Variants in SLC7A14 observed in about 807,000 individuals in gnomAD.
SLC7A14 encodes gamma-aminobutyric acid transporter SLC7A14.
In SLC7A14, 37 loss-of-function variants were observed where a neutral mutation model predicts 60.2. That is an observed-to-expected ratio of 0.61 (90% CI 0.47 to 0.81). The LOEUF (loss-of-function observed/expected upper bound fraction) is 0.81. Among genes scored for constraint, SLC7A14 ranks in the 30% least tolerant of loss-of-function variants. SLC7A14 has a pLI of 0.00. For synonymous variants in SLC7A14, 399 were observed against 395.8 expected (o/e 1.01, Z -0.10); for missense variants, 886 against 982.7 (o/e 0.90, Z 1.32).
chr3:170,507,333 A>G (rs1258649477), intron 2 of SLC7A14, among the ~76,000 whole-genome samples: 1 of 152,228 alleles, frequency 6.6e-6, no homozygotes, highest in Non-Finnish European at 1.5e-5. Context: ...TATTTCAATC[A>G]GGAAAGAGTT....
chr3:170,513,636 G>T (rs1433780937), intron 2 of SLC7A14, among the ~76,000 whole-genome samples: 1 of 152,224 alleles, frequency 6.6e-6, no homozygotes. Context: ...TATGTTGCAT[G>T]TTAGCAAATA....
chr3:170,474,993 C>T (rs1226811542), intron 7 of SLC7A14, among the ~76,000 whole-genome samples: 1 of 152,238 alleles, frequency 6.6e-6, no homozygotes, highest in Non-Finnish European at 1.5e-5. Flanking sequence ...CACTGAGCCC[C>T]TGCTAGTTCC....
Position 170,498,800 on chromosome 3 carries a change from T to C in SLC7A14, c.626A>G (p.Asn209Ser), listed in dbSNP as rs765054383. The C allele has an allele frequency of 1.2e-5, 20 of 1,614,166 alleles. No homozygotes were observed. The highest frequency in any genetic ancestry group is 1.7e-5 in the Non-Finnish European group (20 of 1,180,030). Reference protein sequence around the residue: ...VTIIVALGVKNSIGFNNVLNV... With the variant: ...VTIIVALGVKSSIGFNNVLNV... Reference sequence around the variant, plus strand: ...GAGAACATTGTTGAAGCCTATGGAATTCTTCACCCCCAGAGCAACAATGAT... The same window carrying C: ...GAGAACATTGTTGAAGCCTATGGAACTCTTCACCCCCAGAGCAACAATGAT... Residue 209 changes from asparagine to serine, a missense_variant, in exon 4 of 8, where the codon AAT (asparagine) becomes AGT (serine). Coordinates refer to ENST00000231706, the MANE Select transcript of SLC7A14 (RefSeq NM_020949.3).
At chr3:170,558,474 C>T (rs1216722913) in intron 1 of SLC7A14, among the ~76,000 whole-genome samples, 1 of 152,196 alleles carries the variant, frequency 6.6e-6, no homozygotes, top group Non-Finnish European at 1.5e-5. Flanking sequence ...TTGGTATTCT[C>T]AGTTTAGAAA....
At chr3:170,482,834 A>G (rs1025147289) in intron 6 of SLC7A14, among the ~76,000 whole-genome samples, 1 of 152,206 alleles carries the variant, frequency 6.6e-6, no homozygotes, top group African/African-American at 2.4e-5. Context: ...ACAAATGTTC[A>G]ATAAATGGCA....
Position 170,480,852 on chromosome 3 carries a change from G to C in SLC7A14, c.1430C>G (p.Ala477Gly). 1 of 1,614,062 alleles carries C rather than the reference G, an allele frequency of 6.2e-7. No individual in the cohort carries two copies. ...GTTCTTGGCCCCACATGTGTTGGTG[G>C]CTGGGCCAGAAAACTCATCCCCCTC... is the stretch of plus-strand genomic sequence containing the variant. Reference protein sequence around the residue: ...VSEGDEFSGPATNTCGAKNLP... With the variant: ...VSEGDEFSGPGTNTCGAKNLP... Residue 477 changes from alanine to glycine, a missense_variant, in exon 7 of 8, where the codon GCC (alanine) becomes GGC (glycine). Transcript: ENST00000231706.
At chr3:170,524,983 C>CT (rs1713446350) in intron 2 of SLC7A14, among the ~76,000 whole-genome samples, 3 of 152,192 alleles carry the variant, frequency 2.0e-5, no homozygotes, top group Admixed American at 2.0e-4. Context: ...TGCTTGTAGT[C>CT]TGTCTTTGTG....
intron 1 of SLC7A14, among the ~76,000 whole-genome samples, chr3:170,547,240 GT>G (rs1334487116): frequency 1.3e-5 from 2 of 151,976 alleles, no homozygotes; most frequent in Non-Finnish European, 2.9e-5. Flanking sequence ...GGAGGGTTTT[GT>G]TTTCTTTTAT....
chr3:170,470,017 T>C (rs13089480), intron 7 of SLC7A14, among the ~76,000 whole-genome samples: 86,660 of 151,822 alleles, frequency 0.57, 25,607 homozygotes, highest in Middle Eastern at 0.67. Flanking sequence ...CTAAAAACCT[T>C]GAGTCATAGA....
intron 2 of SLC7A14, among the ~76,000 whole-genome samples, chr3:170,507,264 G>A (rs1415238990): frequency 6.6e-6 from 1 of 152,174 alleles, no homozygotes; most frequent in African/African-American, 2.4e-5. Context: ...AAATGAGGAA[G>A]TGCAATGAAT....
chr3:170,481,750 T>C (rs1179490760), intron 6 of SLC7A14, among the ~76,000 whole-genome samples: 2 of 152,142 alleles, frequency 1.3e-5, no homozygotes, highest in African/African-American at 4.8e-5. Context: ...CTAATCATTA[T>C]GTAATGGGAA....
chr3:170,574,125 C>T (rs1357044249), intron 1 of SLC7A14, among the ~76,000 whole-genome samples: 1 of 152,184 alleles, frequency 6.6e-6, no homozygotes, highest in Non-Finnish European at 1.5e-5. Flanking sequence ...GAAGCTAGTT[C>T]TGGGGTTTCT....
chr3:170,486,443 T>G lies in SLC7A14; in HGVS notation c.760-75A>C, dbSNP rs1453235083. On this transcript the variant is annotated intron_variant, in intron 4 of 7. Coordinates refer to ENST00000231706, the MANE Select transcript of SLC7A14 (RefSeq NM_020949.3). ...GGGTCTTAAATGTGGAAAGTGCAAT[T>G]GCTCTATGCCCTGCAGACATGACTG... The G allele has an allele frequency of 2.5e-6, 4 of 1,587,342 alleles. No homozygotes were observed. The African/African-American group carries it at 5.4e-5, about 21-fold the overall frequency.
At chr3:170,584,422 G>T (rs746910009) in intron 1 of SLC7A14, among the ~76,000 whole-genome samples, 11 of 152,044 alleles carry the variant, frequency 7.2e-5, no homozygotes, top group Non-Finnish European at 1.6e-4. Flanking sequence ...ACACTTTACC[G>T]ACAGGAAGTC....
chr3:170,581,323 G>C (rs953108549), intron 1 of SLC7A14, among the ~76,000 whole-genome samples: 1 of 152,044 alleles, frequency 6.6e-6, no homozygotes, highest in African/African-American at 2.4e-5. Flanking sequence ...CATAATGCTT[G>C]TATTTTGTTA....
At chr3:170,511,742 G>A (rs367743098) in intron 2 of SLC7A14, among the ~76,000 whole-genome samples, 2 of 152,218 alleles carry the variant, frequency 1.3e-5, no homozygotes, top group East Asian at 3.9e-4. Context: ...GAGTCTCAGA[G>A]TTGGTAGGAA....
intron 1 of SLC7A14, among the ~76,000 whole-genome samples, chr3:170,530,087 C>CA (rs1367047603): frequency 6.6e-6 from 1 of 152,258 alleles, no homozygotes; most frequent in East Asian, 1.9e-4. Context: ...CAGTAAAGCA[C>CA]AAATTGCAAA....
intron 4 of SLC7A14, among the ~76,000 whole-genome samples, chr3:170,488,183 G>C (rs1485972088): frequency 1.3e-5 from 2 of 152,160 alleles, no homozygotes; most frequent in African/African-American, 2.4e-5. Flanking sequence ...GGATCCACAG[G>C]CTTCATCAAA....
chr3:170,544,044 G>A (rs754217141), intron 1 of SLC7A14, among the ~76,000 whole-genome samples: 1 of 151,946 alleles, frequency 6.6e-6, no homozygotes, highest in Non-Finnish European at 1.5e-5. Flanking sequence ...CACCACACCC[G>A]GGCCTGCATT....
Sources: gnomAD v4.1 joint callset for allele counts (sites outside exome capture counted in the v4.1 genomes callset) on GRCh38, gnomAD v4.1.1 for gene constraint, MANE v1.5 for transcripts, NCBI Gene and HGNC (gene_info 2026-07-23, HGNC 2026-07-21) for gene names.